CSMD2: variants seen among roughly 807,000 people sequenced by gnomAD.
CSMD2 encodes CUB and Sushi multiple domains 2, also known as CUB and sushi domain-containing protein 2.
Under a neutral mutation model 398.5 loss-of-function variants are expected in CSMD2, and 130 were observed. That is an observed-to-expected ratio of 0.33 (90% CI 0.28 to 0.38). The LOEUF (loss-of-function observed/expected upper bound fraction) is 0.38, where lower values mean the gene tolerates loss of function less well. CSMD2 is among the 10% of genes least tolerant of loss of function. CSMD2 has a pLI of 1.00. For synonymous variants in CSMD2, 1,828 were observed against 1,908.5 expected, an observed-to-expected ratio of 0.96 and a Z score of 1.10; for missense variants, 3,829 against 4,764.9, an observed-to-expected ratio of 0.80 and a Z score of 5.78.
At chr1:33,593,259 T>C (rs1053525420) in intron 44 of CSMD2, among the ~76,000 whole-genome samples, 2 of 152,386 alleles carry the variant, frequency 1.3e-5, no homozygotes, top group South Asian at 2.1e-4. Flanking sequence ...GCCACCCTTT[T>C]ATCTTTAAAC....
intron 1 of CSMD2, among the ~76,000 whole-genome samples, chr1:34,091,129 G>A (rs1365591413): frequency 1.3e-5 from 2 of 152,080 alleles, no homozygotes; most frequent in Non-Finnish European, 2.9e-5. Flanking sequence ...TATTATAAAA[G>A]TAAATCTCCA....
intron 6 of CSMD2, among the ~76,000 whole-genome samples, chr1:33,827,113 C>T (rs1407762803): frequency 1.3e-5 from 2 of 152,196 alleles, no homozygotes; most frequent in Non-Finnish European, 2.9e-5. Flanking sequence ...GATACCTTTC[C>T]CCTCATGACT....
chr1:33,871,523 A>G (rs1395354677), intron 5 of CSMD2, among the ~76,000 whole-genome samples: 4 of 152,208 alleles, frequency 2.6e-5, no homozygotes, highest in Admixed American at 6.5e-5. Flanking sequence ...GAGGAGTCCA[A>G]GGTCAAAGGG....
At chr1:33,638,991 C>T (rs1209431457) in intron 29 of CSMD2, among the ~76,000 whole-genome samples, 2 of 152,326 alleles carry the variant, frequency 1.3e-5, no homozygotes, top group East Asian at 3.9e-4. Flanking sequence ...ACATGGTGGG[C>T]ACTTAACAAA....
chr1:33,788,728 T>A lies in CSMD2; in HGVS notation c.1551-16A>T. 2.1e-6 allele frequency: 3 copies of A among 1,461,356 alleles called. No homozygotes were observed. The South Asian group carries it at 3.4e-5, about 17-fold the overall frequency. The allele number at this position is 1,461,356 out of a possible 1,614,324, so 90.5% of individuals were successfully genotyped here. On this transcript the variant is annotated splice_polypyrimidine_tract_variant and intron_variant, in intron 11 of 70. Transcript: ENST00000373381. ...ACCTGTCAGGCTGGCAGGAGAGAGATATTTAGAGGTGTGCTCTCCACCATG... is the reference window on the plus strand; with the variant it reads ...ACCTGTCAGGCTGGCAGGAGAGAGAAATTTAGAGGTGTGCTCTCCACCATG...
chr1:34,070,736 C>T (rs759461411), intron 2 of CSMD2, among the ~76,000 whole-genome samples: 1 of 151,416 alleles, frequency 6.6e-6, no homozygotes, highest in Non-Finnish European at 1.5e-5. Context: ...AAAATATCCA[C>T]TACTGCAAGG....
intron 6 of CSMD2, among the ~76,000 whole-genome samples, chr1:33,832,964 C>T (rs1389196046): frequency 1.3e-5 from 2 of 151,960 alleles, no homozygotes; most frequent in African/African-American, 4.8e-5. Flanking sequence ...GAAGTCGAAT[C>T]TCTGAATAGA....
At chr1:33,962,199 T>G (rs1027258184) in intron 3 of CSMD2, among the ~76,000 whole-genome samples, 2 of 152,150 alleles carry the variant, frequency 1.3e-5, no homozygotes, top group Admixed American at 1.3e-4. Flanking sequence ...GACATCTTCC[T>G]TGCATGCTTC....
rs1344689023 is a variant in CSMD2, at chr1:33,701,689, T to C, written c.3577-1016A>G. 2.6e-5 allele frequency among the ~76,000 whole-genome samples: 4 copies of C among 152,266 alleles called. No individual in the cohort carries two copies. In the East Asian group the frequency reaches 7.7e-4, roughly 29 times the overall value. On this transcript the variant is annotated intron_variant, in intron 22 of 70. Transcript: ENST00000373381. ...TGTTTAGGCTCCTGGGAGCCTGAAG[T>C]CTGTTTCCAGATCCTTGTGTAATTG...
chr1:33,690,433 C>T lies in CSMD2; in HGVS notation c.4052+2497G>A, dbSNP rs113655229. Among the ~76,000 whole-genome samples the T allele has an allele frequency of 1.7e-4, 26 of 152,304 alleles. 2 individuals are homozygous for T. Among genetic ancestry groups the T allele is most frequent in the African/African-American group, 6.3e-4 (26 of 41,564 alleles). On this transcript the variant is annotated intron_variant, in intron 25 of 70. Coordinates refer to ENST00000373381, the MANE Select transcript of CSMD2 (RefSeq NM_001281956.2). ...TTTTCATTCCCCTTCCTCATTGTGC[C>T]ACCACCTTGTTCTGGACAGACATGT...
At chr1:33,790,069 T>C (rs1654045063) in intron 11 of CSMD2, among the ~76,000 whole-genome samples, 1 of 152,116 alleles carries the variant, frequency 6.6e-6, no homozygotes, top group Non-Finnish European at 1.5e-5. Flanking sequence ...CACATTGGGA[T>C]TGTGGGAGGA....
At chr1:33,925,111 T>C (rs1570524514) in intron 4 of CSMD2, among the ~76,000 whole-genome samples, 1 of 152,230 alleles carries the variant, frequency 6.6e-6, no homozygotes, top group African/African-American at 2.4e-5. Flanking sequence ...GTCTTAGCCA[T>C]AAAATCTTTG....
intron 9 of CSMD2, among the ~76,000 whole-genome samples, chr1:33,812,180 GA>G (rs1173326030): frequency 6.6e-6 from 1 of 152,110 alleles, no homozygotes; most frequent in African/African-American, 2.4e-5. Flanking sequence ...AGTGTGGGGA[GA>G]AAAAAGTGTC....
intron 1 of CSMD2, among the ~76,000 whole-genome samples, chr1:34,090,748 A>G (rs1160490739): frequency 6.6e-6 from 1 of 152,204 alleles, no homozygotes; most frequent in Non-Finnish European, 1.5e-5. Flanking sequence ...GTCCTTGCCA[A>G]TCTGTTCTTC....
intron 1 of CSMD2, among the ~76,000 whole-genome samples, chr1:34,162,657 G>A (rs1242808960): frequency 1.3e-5 from 2 of 152,006 alleles, no homozygotes; most frequent in African/African-American, 4.8e-5. Context: ...TCAGGAGCTC[G>A]AGACCAGCCT....
At chr1:33,890,424 G>A (rs1333199168) in intron 5 of CSMD2, among the ~76,000 whole-genome samples, 1 of 151,976 alleles carries the variant, frequency 6.6e-6, no homozygotes, top group Non-Finnish European at 1.5e-5. Flanking sequence ...TAGAGACGGG[G>A]TTTCACCATG....
At chr1:33,889,881 T>C (rs1046729531) in intron 5 of CSMD2, among the ~76,000 whole-genome samples, 2 of 151,990 alleles carry the variant, frequency 1.3e-5, no homozygotes, top group African/African-American at 2.4e-5. Flanking sequence ...ATTTAACACA[T>C]AGACGACTTT....
intron 2 of CSMD2, among the ~76,000 whole-genome samples, chr1:34,085,162 T>C (rs1657713467): frequency 6.6e-6 from 1 of 151,878 alleles, no homozygotes; most frequent in African/African-American, 2.4e-5. Context: ...TTCTCACTCA[T>C]AGGTGGGAAT....
At chr1:34,153,639 C>G (rs1011340399) in intron 1 of CSMD2, among the ~76,000 whole-genome samples, 9 of 152,218 alleles carry the variant, frequency 5.9e-5, no homozygotes, top group African/African-American at 2.2e-4. Context: ...TGCCCATTCT[C>G]TAGGTATAGC....
Sources: allele counts gnomAD v4.1 joint callset (sites outside exome capture counted in the v4.1 genomes callset), GRCh38; gene constraint gnomAD v4.1.1; transcripts MANE v1.5; gene names NCBI Gene and HGNC (gene_info 2026-07-23, HGNC 2026-07-21).